CCDC148: variants seen among roughly 807,000 people sequenced by gnomAD.
CCDC148 encodes the protein coiled-coil domain-containing protein 148.
CCDC148 carries 89 observed loss-of-function variants against 85.7 expected under a neutral mutation model. The ratio of observed to expected loss-of-function variants is 1.04; its 90% CI spans 0.87 to 1.24. CCDC148 has a LOEUF of 1.24. CCDC148 is among the 50% of genes most tolerant of loss of function. The pLI is 0.00. For synonymous variants in CCDC148, 230 were observed against 213.9 expected, an observed-to-expected ratio of 1.08 and a Z score of -0.66; for missense variants, 692 against 671.7, an observed-to-expected ratio of 1.03 and a Z score of -0.33.
chr2:158,423,628 G>C (rs1686918648), intron 1 of CCDC148, among the ~76,000 whole-genome samples: 1 of 152,088 alleles, frequency 6.6e-6, no homozygotes, highest in Non-Finnish European at 1.5e-5. Context: ...AAAAAACCTA[G>C]GCAATACCAT....
intron 10 of CCDC148, among the ~76,000 whole-genome samples, chr2:158,244,702 G>A (rs761989513): frequency 7.2e-5 from 11 of 152,104 alleles, no homozygotes; most frequent in South Asian, 4.1e-4. Context: ...AGGACCACTT[G>A]ATAATTTTAA....
chr2:158,416,073 G>A (rs1456124947), intron 1 of CCDC148, among the ~76,000 whole-genome samples: 1 of 152,208 alleles, frequency 6.6e-6, no homozygotes, highest in African/African-American at 2.4e-5. Context: ...ACACCACATG[G>A]AAGCTTCCAA....
intron 13 of CCDC148, among the ~76,000 whole-genome samples, chr2:158,173,338 T>C (rs1050405030): frequency 6.6e-6 from 1 of 152,052 alleles, no homozygotes; most frequent in Admixed American, 6.6e-5. Flanking sequence ...CTTCTCAGAC[T>C]AGGACTTGAA....
In CCDC148 at chr2:158,253,098, A is replaced by G. The variant is rs1574488099; in HGVS notation, c.1111-2186T>C. On this transcript the variant is annotated intron_variant, in intron 9 of 13. Transcript: ENST00000283233. ...TTTTACATCTGACTTGGAAGCTCAT[A>G]CATTTCTTAAGCGCGGATGAATTTT... 6.6e-5 allele frequency among the ~76,000 whole-genome samples: 10 copies of G among 151,788 alleles called. 1 individual carries two copies. The South Asian group carries it at 2.1e-3, about 31-fold the overall frequency.
rs775667429 is a variant in CCDC148, at chr2:158,220,682, T to C, written c.1283A>G (p.Lys428Arg). Residue 428 changes from lysine (K) to arginine (R), a missense_variant, in exon 11 of 14, where the codon AAG becomes AGG. Coordinates refer to ENST00000283233, the MANE Select transcript of CCDC148 (RefSeq NM_138803.4). ...IKKYWAKKKQKWQEMEMRDLQ... is the reference protein window; with the variant it reads ...IKKYWAKKKQRWQEMEMRDLQ... ...ATCTCTCATTTCCATTTCTTGCCACTTCTGTTTTTTCTTGGCCCAGTATTT... is the reference window on the plus strand; with the variant it reads ...ATCTCTCATTTCCATTTCTTGCCACCTCTGTTTTTTCTTGGCCCAGTATTT... The C allele has an allele frequency of 1.9e-6, 3 of 1,587,234 alleles. No individual in the cohort carries two copies. The Admixed American group carries it at 5.9e-5, about 31-fold the overall frequency.
Position 158,456,482 on chromosome 2 carries a change from AG to A in CCDC148, c.-44del, listed in dbSNP as rs756228873. ...ATAGCCTCAGGGACTCCCCAAACGC[AG>A]GAAAAGTGAAACGCCCACTCCTGGG... On this transcript the variant is annotated 5_prime_UTR_variant, in exon 1 of 14. Transcript: ENST00000283233. The A allele has an allele frequency of 2.9e-5, 47 of 1,600,604 alleles. 1 individual carries two copies. The highest frequency in any genetic ancestry group is 3.3e-4 in the Middle Eastern group (2 of 6,062).
At chr2:158,431,127 C>A (rs1277905231) in intron 1 of CCDC148, among the ~76,000 whole-genome samples, 1 of 150,198 alleles carries the variant, frequency 6.7e-6, no homozygotes, top group African/African-American at 2.4e-5. Flanking sequence ...AAGTGGAATG[C>A]TAGAAGAAAG....
chr2:158,282,685 T>A (rs1004164016), intron 9 of CCDC148, among the ~76,000 whole-genome samples: 4 of 152,136 alleles, frequency 2.6e-5, no homozygotes, highest in African/African-American at 7.2e-5. Context: ...ATCAATATTG[T>A]GAAAATGGCC....
At chr2:158,363,282 GA>G (rs1325944578) in intron 1 of CCDC148, among the ~76,000 whole-genome samples, 1 of 152,092 alleles carries the variant, frequency 6.6e-6, no homozygotes, top group Non-Finnish European at 1.5e-5. Context: ...CCAAACAACA[GA>G]AAAAGAGGGA....
At chr2:158,450,702 AGTT>A (rs1279072822) in intron 1 of CCDC148, among the ~76,000 whole-genome samples, 3 of 151,200 alleles carry the variant, frequency 2.0e-5, no homozygotes, top group Non-Finnish European at 2.9e-5. Flanking sequence ...GTGTAAAATG[AGTT>A]GTTATTTTCT....
chr2:158,224,367 T>G (rs530711003), intron 10 of CCDC148, among the ~76,000 whole-genome samples: 1 of 152,256 alleles, frequency 6.6e-6, no homozygotes, highest in African/African-American at 2.4e-5. Flanking sequence ...ATGGGGAGAA[T>G]GGAAACAAGT....
At chr2:158,396,502 T>A (rs992662078) in intron 1 of CCDC148, among the ~76,000 whole-genome samples, 2 of 152,042 alleles carry the variant, frequency 1.3e-5, no homozygotes, top group African/African-American at 4.8e-5. Flanking sequence ...GGCATTTGAG[T>A]CAGTGGCCTC....
intron 1 of CCDC148, among the ~76,000 whole-genome samples, chr2:158,436,526 A>G (rs1305993231): frequency 6.6e-6 from 1 of 152,254 alleles, no homozygotes. Flanking sequence ...AGAAAGCAGG[A>G]AAGATCTAAA....
intron 7 of CCDC148, among the ~76,000 whole-genome samples, chr2:158,333,380 G>A (rs1319473116): frequency 1.3e-5 from 2 of 152,200 alleles, no homozygotes; most frequent in African/African-American, 4.8e-5. Context: ...TGGTCTGAGA[G>A]ACTGTTTGTT....
At chr2:158,452,544 A>G (rs922393381) in intron 1 of CCDC148, among the ~76,000 whole-genome samples, 1 of 152,200 alleles carries the variant, frequency 6.6e-6, no homozygotes, top group East Asian at 1.9e-4. Context: ...TGGGGTAGGC[A>G]TATTGTGGTC....
Position 158,176,289 on chromosome 2 carries a change from C to T in CCDC148, c.1629+232G>A, listed in dbSNP as rs182094757. Among the ~76,000 whole-genome samples the T allele has an allele frequency of 8.2e-3, 1,249 of 151,966 alleles. 10 individuals carry two copies. Among genetic ancestry groups the T allele is most frequent in the Non-Finnish European group, 0.013 (856 of 67,954 alleles). ...AAATTTAAAAAATAAGCTTCAATGA[C>T]AGATTTATAACATTTTTAGGTAACC... On this transcript the variant is annotated intron_variant, in intron 13 of 13. Coordinates refer to ENST00000283233, the MANE Select transcript of CCDC148 (RefSeq NM_138803.4).
At chr2:158,352,811 A>G (rs978291305) in intron 2 of CCDC148, among the ~76,000 whole-genome samples, 13 of 152,062 alleles carry the variant, frequency 8.5e-5, no homozygotes, top group Non-Finnish European at 1.8e-4. Flanking sequence ...AAAAAATGTT[A>G]AGGGCAGCCA....
At chr2:158,208,629 A>G (rs1686385024) in intron 11 of CCDC148, among the ~76,000 whole-genome samples, 1 of 152,186 alleles carries the variant, frequency 6.6e-6, no homozygotes, top group African/African-American at 2.4e-5. Context: ...GAGGCACGCC[A>G]TGAGGTCCAG....
rs116467916 is a variant in CCDC148 at position 158,272,641 on chromosome 2, T to C, written c.1111-21729A>G. On this transcript the variant is annotated intron_variant, in intron 9 of 13. Coordinates refer to ENST00000283233, the MANE Select transcript of CCDC148 (RefSeq NM_138803.4). ...GCACAGTGCTGTGCCGAGATGGATG[T>C]ATAGTAGCTTATTGCAGAGGATGAG... Among the ~76,000 whole-genome samples, 459 of 152,266 alleles carry C rather than the reference T, an allele frequency of 3.0e-3. 2 individuals are homozygous for C. Among genetic ancestry groups the C allele is most frequent in the African/African-American group, 0.01 (429 of 41,568 alleles).
Sources: allele counts gnomAD v4.1 joint callset (sites outside exome capture counted in the v4.1 genomes callset), GRCh38; gene constraint gnomAD v4.1.1; transcripts MANE v1.5; gene names NCBI Gene and HGNC (gene_info 2026-07-23, HGNC 2026-07-21).